The following DISC1 variants were observed in gnomAD, a reference collection of about 807,000 sequenced individuals.
DISC1 encodes DISC1 scaffold protein, also known as disrupted in schizophrenia 1 protein.
A neutral mutation model predicts 84.5 loss-of-function variants in DISC1; 57 were observed. That is an observed-to-expected ratio of 0.67 (90% confidence interval 0.55 to 0.84). DISC1 has a LOEUF of 0.84. DISC1 is among the 40% of genes least tolerant of loss of function. DISC1 has a pLI of 0.00. For synonymous variants in DISC1, 411 were observed against 415.2 expected (o/e 0.99, Z 0.12); for missense variants, 1,000 against 1,057.8 (o/e 0.95, Z 0.76).
intron 9 of DISC1, among the ~76,000 whole-genome samples, chr1:231,852,477 A>G (rs1574265389): frequency 6.6e-6 from 1 of 152,230 alleles, no homozygotes. Context: ...TTTTCTATGC[A>G]TCTTTCTTAA....
intron 1 of DISC1, among the ~76,000 whole-genome samples, chr1:231,648,155 C>T (rs181042989): frequency 2.0e-4 from 30 of 152,336 alleles, no homozygotes; most frequent in Middle Eastern, 3.4e-3. Context: ...AAAGGTAATG[C>T]TTCCAGTTTT....
intron 1 of DISC1, among the ~76,000 whole-genome samples, chr1:231,646,604 T>A (rs889656453): frequency 6.6e-6 from 1 of 152,230 alleles, no homozygotes; most frequent in Non-Finnish European, 1.5e-5. Context: ...CAAATGGTAT[T>A]TCTAGTTCTA....
intron 1 of DISC1, among the ~76,000 whole-genome samples, chr1:231,679,415 G>A (rs2063481855): frequency 6.6e-6 from 1 of 152,198 alleles, no homozygotes; most frequent in African/African-American, 2.4e-5. Context: ...TATCTGAGAG[G>A]AGTGATTGGT....
chr1:231,680,931 C>T (rs950782865), intron 1 of DISC1, among the ~76,000 whole-genome samples: 4 of 152,122 alleles, frequency 2.6e-5, no homozygotes, highest in African/African-American at 4.8e-5. Context: ...AGGGTGGATA[C>T]GAGAGTTTGC....
intron 9 of DISC1, among the ~76,000 whole-genome samples, chr1:231,841,529 A>C (rs544040318): frequency 6.6e-6 from 1 of 152,238 alleles, no homozygotes; most frequent in Non-Finnish European, 1.5e-5. Context: ...TGCTGGTGCA[A>C]CTTTTACAAA....
intron 9 of DISC1, among the ~76,000 whole-genome samples, chr1:231,898,280 T>G (rs2087864307): frequency 6.6e-6 from 1 of 152,172 alleles, no homozygotes; most frequent in Admixed American, 6.5e-5. Flanking sequence ...TATAACATAC[T>G]GATTCTAGGA....
chr1:231,730,751 C>T (rs2071409196), intron 3 of DISC1, among the ~76,000 whole-genome samples: 1 of 152,102 alleles, frequency 6.6e-6, no homozygotes, highest in African/African-American at 2.4e-5. Flanking sequence ...TTAGACTATA[C>T]CTAATAAACT....
intron 9 of DISC1, among the ~76,000 whole-genome samples, chr1:231,911,046 C>G (rs2089153567): frequency 1.3e-5 from 2 of 152,106 alleles, no homozygotes; most frequent in African/African-American, 4.8e-5. Context: ...TCCTCCATCC[C>G]TTTATTTTGA....
At chr1:231,752,060 C>T (rs905088629) in intron 4 of DISC1, among the ~76,000 whole-genome samples, 3 of 152,356 alleles carry the variant, frequency 2.0e-5, no homozygotes, top group Admixed American at 2.0e-4. Context: ...ACAAACCCAA[C>T]TGTCTGGCTT....
intron 3 of DISC1, among the ~76,000 whole-genome samples, chr1:231,748,545 T>C (rs935731403): frequency 1.3e-5 from 2 of 152,250 alleles, no homozygotes; most frequent in Non-Finnish European, 2.9e-5. Context: ...TGATGTTTAT[T>C]GATTTGCATA....
intron 9 of DISC1, among the ~76,000 whole-genome samples, chr1:231,886,171 C>T (rs1038581717): frequency 1.3e-5 from 2 of 152,162 alleles, no homozygotes; most frequent in African/African-American, 4.8e-5. Flanking sequence ...CCATTAGGCC[C>T]CACCTCCTAA....
chr1:231,822,511 A>G lies in DISC1; in HGVS notation c.1981+3994A>G, dbSNP rs918660365. Among the ~76,000 whole-genome samples, 3 of 152,140 alleles carry G rather than the reference A, an allele frequency of 2.0e-5. No homozygotes were observed. The South Asian group carries it at 6.2e-4, about 32-fold the overall frequency. ...GAGGTTGGAGTAGAGGCACCTTTCC[A>G]ATTATGGTTTGGGATTAGGACCTTT... On this transcript the variant is annotated intron_variant, in intron 9 of 12. Coordinates refer to ENST00000439617, the MANE Select transcript of DISC1 (RefSeq NM_018662.3).
chr1:231,658,659 C>A (rs2061334319), intron 1 of DISC1, among the ~76,000 whole-genome samples: 1 of 152,030 alleles, frequency 6.6e-6, no homozygotes, highest in Non-Finnish European at 1.5e-5. Context: ...TCCTTCAATA[C>A]CTAGTTTATT....
chr1:231,635,895 G>A (rs187127001), intron 1 of DISC1, among the ~76,000 whole-genome samples: 19 of 152,192 alleles, frequency 1.2e-4, no homozygotes, highest in South Asian at 8.3e-4. Context: ...CTATAGTCCC[G>A]TGGAAAAAAG....
chr1:231,690,140 G>C (rs1159110907), intron 1 of DISC1, among the ~76,000 whole-genome samples: 1 of 152,174 alleles, frequency 6.6e-6, no homozygotes, highest in East Asian at 1.9e-4. Context: ...ATCTGGGTCT[G>C]TTCTAAGCTG....
At chr1:231,685,118 T>C (rs1431126326) in intron 1 of DISC1, 1 of 152,276 alleles carries the variant, frequency 6.6e-6, no homozygotes, top group Non-Finnish European at 1.5e-5. Flanking sequence ...GATTCCTTGA[T>C]TGACCTGCTC....
Position 231,694,418 on chromosome 1 carries a change from C to T in DISC1, c.660C>T (p.Ala220=), listed in dbSNP as rs754450096. ...FSFIRLSLGS[A]GERGEAEGCP... ...TTATTCGGCTCTCGCTTGGCTCTGCCGGGGAACGTGGAGAAGCAGAAGGCT... is the reference window on the plus strand; with the variant it reads ...TTATTCGGCTCTCGCTTGGCTCTGCTGGGGAACGTGGAGAAGCAGAAGGCT... Residue 220 remains alanine, a synonymous_variant, in exon 2 of 13, where the codon GCC becomes GCT. Coordinates refer to ENST00000439617, the MANE Select transcript of DISC1 (RefSeq NM_018662.3). The T allele has an allele frequency of 1.7e-5, 27 of 1,614,148 alleles. No individual in the cohort carries two copies. The highest frequency in any genetic ancestry group is 1.3e-4 in the East Asian group (6 of 44,904).
chr1:231,634,327 A>T (rs1285290185), intron 1 of DISC1, among the ~76,000 whole-genome samples: 1 of 152,136 alleles, frequency 6.6e-6, no homozygotes, highest in Admixed American at 6.5e-5. Flanking sequence ...TTATTTTACA[A>T]TGGTCAAGTG....
intron 9 of DISC1, among the ~76,000 whole-genome samples, chr1:231,838,188 T>TA (rs888354684): frequency 6.6e-6 from 1 of 152,198 alleles, no homozygotes; most frequent in African/African-American, 2.4e-5. Context: ...TGCTTTAATT[T>TA]AAAAAATTAA....
Sources: allele counts gnomAD v4.1 joint callset (sites outside exome capture counted in the v4.1 genomes callset), GRCh38; gene constraint gnomAD v4.1.1; transcripts MANE v1.5; gene names NCBI Gene and HGNC (gene_info 2026-07-23, HGNC 2026-07-21).